The following CDC42 variants were observed in gnomAD, a reference collection of about 807,000 sequenced individuals.
The protein encoded by CDC42 is cell division cycle 42.
In CDC42, 1 loss-of-function variant was observed where a neutral mutation model predicts 20.8. That is an observed-to-expected ratio of 0.05 (90% CI 0.02 to 0.23). CDC42 has a LOEUF of 0.23. Ranked by LOEUF, CDC42 falls within the 10% of genes least tolerant of loss-of-function variation. The pLI, the probability that CDC42 is intolerant of heterozygous loss-of-function variation, is 1.00. For missense variants in CDC42, 49 were observed against 227.9 expected, an observed-to-expected ratio of 0.21 and a Z score of 5.05; for synonymous variants, 72 against 84.8, an observed-to-expected ratio of 0.85 and a Z score of 0.83.
Position 22,094,546 on chromosome 1 carries a change from C to G in CDC42, c.*3029C>G, listed in dbSNP as rs930111380. On this transcript the variant is annotated 3_prime_UTR_variant, in exon 6 of 6. Transcript: ENST00000656825. Reference sequence around the variant, plus strand: ...TCTCCTGACCTCGTGATCCGCCCGCCTCGGCCTCCCAAAGTGCTGGGATTA... The same window carrying G: ...TCTCCTGACCTCGTGATCCGCCCGCGTCGGCCTCCCAAAGTGCTGGGATTA... Among the ~76,000 whole-genome samples the G allele has an allele frequency of 4.0e-5, 6 of 148,356 alleles. No homozygotes were observed. The highest frequency in any genetic ancestry group is 2.6e-4 in the Admixed American group (4 of 15,104).
chr1:22,085,226 T>G (rs1229148170), intron 3 of CDC42, among the ~76,000 whole-genome samples: 3 of 16,868 alleles, frequency 1.8e-4, no homozygotes, highest in Admixed American at 5.8e-4. Context: ...AGTGAGACTC[T>G]GTCTAAAAAA....
intron 2 of CDC42, among the ~76,000 whole-genome samples, chr1:22,081,003 T>C (rs1645601779): frequency 6.6e-6 from 1 of 152,126 alleles, no homozygotes; most frequent in South Asian, 2.1e-4. Context: ...ACTCTGTCTC[T>C]ACTAAAAATA....
intron 1 of CDC42, among the ~76,000 whole-genome samples, chr1:22,053,906 ATTAACT>A (rs896228075): frequency 7.9e-5 from 12 of 152,214 alleles, no homozygotes; most frequent in African/African-American, 2.9e-4. Flanking sequence ...CTTGCGTGGC[ATTAACT>A]TTAAATAGAG....
chr1:22,054,909 ATATATATATATATTTTTTTTTTTTTTTT>A (rs1645281345), intron 1 of CDC42, among the ~76,000 whole-genome samples: 7 of 12,744 alleles, frequency 5.5e-4, no homozygotes, highest in South Asian at 5.1e-3. Context: ...ATATATATAT[ATATATATATATATTTTTTTTTTTTTTTT>A]TTTTTTTTTT....
Position 22,097,420 on chromosome 1 carries a change from T to G in CDC42, c.*5903T>G, listed in dbSNP as rs1265043598. Among the ~76,000 whole-genome samples, 2 of 152,124 alleles carry G rather than the reference T, an allele frequency of 1.3e-5. No homozygotes were observed. Among genetic ancestry groups the G allele is most frequent in the Admixed American group, 6.5e-5 (1 of 15,274 alleles). The stretch of plus-strand genomic sequence containing the variant: ...CCGTGCCTGGCTAATTTTTGTATTT[T>G]TAGTAGAGATGGGGTTTCACCATGT... On this transcript the variant is annotated 3_prime_UTR_variant, in exon 6 of 6. Coordinates refer to ENST00000656825, the MANE Select transcript of CDC42 (RefSeq NM_001791.4).
At chr1:22,084,350 T>TTG (rs1297040949) in intron 3 of CDC42, among the ~76,000 whole-genome samples, 2 of 149,428 alleles carry the variant, frequency 1.3e-5, no homozygotes, top group Non-Finnish European at 3.0e-5. Flanking sequence ...TTTTTTTTTT[T>TTG]TTTTTTTTTT....
At chr1:22,077,901 T>C (rs1570013840) in intron 1 of CDC42, among the ~76,000 whole-genome samples, 4 of 152,338 alleles carry the variant, frequency 2.6e-5, no homozygotes, top group Admixed American at 6.5e-5. Context: ...CCCTGTTCTT[T>C]GTTCAGTTCC....
Position 22,096,416 on chromosome 1 carries a change from T to A in CDC42, c.*4899T>A, listed in dbSNP as rs1442253495. 1.3e-5 allele frequency among the ~76,000 whole-genome samples: 2 copies of A among 152,234 alleles called. No homozygotes were observed. The highest frequency in any genetic ancestry group is 4.8e-5 in the African/African-American group (2 of 41,468). On this transcript the variant is annotated 3_prime_UTR_variant, in exon 6 of 6. Coordinates refer to ENST00000656825, the MANE Select transcript of CDC42 (RefSeq NM_001791.4). ...GTTTTGATAGCTGCTTTCTCTTGAA[T>A]AACTATGTCATCTCTTTCCACTTTG...
intron 1 of CDC42, among the ~76,000 whole-genome samples, chr1:22,062,429 A>T (rs1165572728): frequency 2.6e-5 from 4 of 152,220 alleles, no homozygotes; most frequent in Admixed American, 2.6e-4. Flanking sequence ...TAGGTAATGT[A>T]GTGACTTATT....
At chr1:22,060,180 A>G (rs562776517) in intron 1 of CDC42, among the ~76,000 whole-genome samples, 1 of 152,116 alleles carries the variant, frequency 6.6e-6, no homozygotes, top group South Asian at 2.1e-4. Context: ...CGTCTTTACT[A>G]AAAATACAAA....
rs941539410 is a variant in CDC42 at position 22,094,388 on chromosome 1, C to T, written c.*2871C>T. Among the ~76,000 whole-genome samples, 2 of 125,220 alleles carry T rather than the reference C, an allele frequency of 1.6e-5. No individual in the cohort carries two copies. Among genetic ancestry groups the T allele is most frequent in the African/African-American group, 6.3e-5 (2 of 31,970 alleles). 82.1% of individuals were successfully genotyped at this position (125,220 alleles called of 152,430 possible). A position where few individuals can be genotyped will look rare whatever the true frequency, so the allele number is the denominator to read the frequency against. On this transcript the variant is annotated 3_prime_UTR_variant, in exon 6 of 6. Transcript: ENST00000656825. ...TCTCGGCTCACTGCAAGCTCCGCCT[C>T]CCGGGTTCACGCCATTCTCCTGCCT... is the stretch of plus-strand genomic sequence containing the variant.
At chr1:22,052,765 C>T (rs1214611473) in intron 1 of CDC42, 23 bp downstream of exon 1, 1 of 152,816 alleles carries the variant, frequency 6.5e-6, no homozygotes, top group African/African-American at 2.4e-5. Context: ...CCCGAGGTTC[C>T]CCGCGGGAGC....
At chr1:22,058,485 GT>G (rs5772984) in intron 1 of CDC42, among the ~76,000 whole-genome samples, 9 of 146,212 alleles carry the variant, frequency 6.2e-5, no homozygotes, top group African/African-American at 1.0e-4. Flanking sequence ...GTTATTTAAA[GT>G]TTTTTTTTTT....
rs1285109831 is a variant in CDC42 at position 22,095,532 on chromosome 1, G to T, written c.*4015G>T. 6.6e-6 allele frequency among the ~76,000 whole-genome samples: 1 copy of T among 152,146 alleles called. No individual in the cohort carries two copies. Among genetic ancestry groups the T allele is most frequent in the Non-Finnish European group, 1.5e-5 (1 of 68,032 alleles). On this transcript the variant is annotated 3_prime_UTR_variant, in exon 6 of 6. Coordinates refer to ENST00000656825, the MANE Select transcript of CDC42 (RefSeq NM_001791.4). ...GATCCGCCCGCCTTGGCCTCCCAAA[G>T]TGCTAGGATTACAGGCGTGAGCCAC...
intron 5 of CDC42, chr1:22,090,436 T>C: frequency 1.0e-6 from 1 of 996,572 alleles, no homozygotes; most frequent in Non-Finnish European, 1.2e-6. Flanking sequence ...TTAATTGTAA[T>C]TGCATGACAA....
Position 22,091,799 on chromosome 1 carries a change from T to TG in CDC42, c.*282_*283insG, listed in dbSNP as rs1202241262. On this transcript the variant is annotated 3_prime_UTR_variant, in exon 6 of 6. Coordinates refer to ENST00000656825, the MANE Select transcript of CDC42 (RefSeq NM_001791.4). The stretch of plus-strand genomic sequence containing the variant: ...AAAATTTTTGTGTGTGTGTGTTTTT[T>TG]TTTTTTTTTTTTTTGTTGTTTAAAA... 1 of 203,678 alleles carries TG rather than the reference T, an allele frequency of 4.9e-6. No homozygotes were observed. The highest frequency in any genetic ancestry group is 2.6e-5 in the African/African-American group (1 of 38,772). The allele number at this position is 203,678 out of a possible 1,614,324, so 12.6% of individuals were successfully genotyped here.
intron 1 of CDC42, among the ~76,000 whole-genome samples, chr1:22,075,848 C>T (rs927084725): frequency 6.6e-6 from 1 of 152,180 alleles, no homozygotes; most frequent in African/African-American, 2.4e-5. Context: ...GACTCACAAC[C>T]AACCAGTTTG....
chr1:22,059,356 G>A (rs1014093505), intron 1 of CDC42: 1 of 152,158 alleles, frequency 6.6e-6, no homozygotes, highest in African/African-American at 2.4e-5. Context: ...ACGAGGAATG[G>A]TCTAAGCATA....
chr1:22,091,253 C>T (rs1427146965), intron 5 of CDC42, among the ~76,000 whole-genome samples, 175 bp from the exon 6 acceptor site: 2 of 152,338 alleles, frequency 1.3e-5, no homozygotes, highest in South Asian at 4.1e-4. Flanking sequence ...TTGCTGAATC[C>T]TTCCAGTGCC....
Sources: allele counts gnomAD v4.1 joint callset (sites outside exome capture counted in the v4.1 genomes callset), GRCh38; gene constraint gnomAD v4.1.1; transcripts MANE v1.5; gene names NCBI Gene and HGNC (gene_info 2026-07-23, HGNC 2026-07-21).